PCDHGC3: variants seen among roughly 807,000 people sequenced by gnomAD.
PCDHGC3 encodes protocadherin gamma-C3.
A neutral mutation model predicts 59.2 loss-of-function variants in PCDHGC3; 26 were observed. That is an observed-to-expected ratio of 0.44 (90% CI 0.32 to 0.61). The LOEUF (loss-of-function observed/expected upper bound fraction) is 0.61. PCDHGC3 is among the 20% of genes least tolerant of loss of function. The probability of loss-of-function intolerance (pLI) is 0.05; values close to 1 mark genes in which losing one functional copy is unlikely to be tolerated. For synonymous variants in PCDHGC3, 487 were observed against 519.7 expected, an observed-to-expected ratio of 0.94 and a Z score of 0.86; for missense variants, 1,080 against 1,221.8, an observed-to-expected ratio of 0.88 and a Z score of 1.73.
intron 2 of PCDHGC3, among the ~76,000 whole-genome samples, chr5:141,501,324 CA>C (rs1311475307): frequency 7.2e-5 from 11 of 151,778 alleles, no homozygotes; most frequent in African/African-American, 1.9e-4. Flanking sequence ...CACACACACA[CA>C]CACACACACC....
chr5:141,486,474 C>G lies in PCDHGC3; in HGVS notation c.2430+7928C>G. ...ACTGCTTCTGATGCTGGGAACCCTC[C>G]TCTCAGTACCCACAGAACTATTTTC... On this transcript the variant is annotated intron_variant, in intron 1 of 3. Transcript: ENST00000308177. The surrounding 1 kb of genome is among the most constrained non-coding windows in gnomAD (Gnocchi z 5.0). The G allele has an allele frequency of 6.2e-7, 1 of 1,614,016 alleles. No individual in the cohort carries two copies. Among genetic ancestry groups the G allele is most frequent in the Non-Finnish European group, 8.5e-7 (1 of 1,179,822 alleles).
At chr5:141,492,487 C>G (rs1031047955) in intron 1 of PCDHGC3, among the ~76,000 whole-genome samples, 1 of 152,222 alleles carries the variant, frequency 6.6e-6, no homozygotes, top group Non-Finnish European at 1.5e-5. Flanking sequence ...CGCCCAGGAC[C>G]AGGCGAGGAC....
rs1445450316 is a variant in PCDHGC3, at chr5:141,491,210, C to T, written c.2431-3597C>T. On this transcript the variant is annotated intron_variant, in intron 1 of 3. Coordinates refer to ENST00000308177, the MANE Select transcript of PCDHGC3 (RefSeq NM_002588.4). The surrounding 1 kb of genome is among the most constrained non-coding windows in gnomAD (Gnocchi z 6.9). ...AGGGACAATGGTGACCCTTCACTCT[C>T]CTCCACAGCCACAGTGCTGCTGGTT... The T allele has an allele frequency of 3.7e-6, 6 of 1,614,228 alleles. No homozygotes were observed. Among genetic ancestry groups the T allele is most frequent in the Non-Finnish European group, 3.4e-6 (4 of 1,180,032 alleles).
intron 2 of PCDHGC3, among the ~76,000 whole-genome samples, chr5:141,500,877 A>AT (rs369345007): frequency 0.053 from 6,532 of 122,188 alleles, 326 homozygotes; most frequent in Admixed American, 0.19. Context: ...TTCATTTACA[A>AT]TTTTTTTTTT....
In PCDHGC3 at chr5:141,491,848, C is replaced by A; in HGVS notation, c.2431-2959C>A. 1 of 1,461,478 alleles carries A rather than the reference C, an allele frequency of 6.8e-7. No homozygotes were observed. Among genetic ancestry groups the A allele is most frequent in the Non-Finnish European group, 9.1e-7 (1 of 1,104,578 alleles). The allele number at this position is 1,461,478 out of a possible 1,614,324, so 90.5% of individuals were successfully genotyped here. A position where few individuals can be genotyped will look rare whatever the true frequency, so the allele number is the denominator to read the frequency against. On this transcript the variant is annotated intron_variant, in intron 1 of 3. Transcript: ENST00000308177. This position sits in a 1 kb window ranked among gnomAD's most constrained non-coding sequence, Gnocchi z 6.9. ...CACCCGATTCTCGGGATCATTGGAC[C>A]GTTTGCGCGAAACCAGAGTGGCCGA...
Position 141,487,631 on chromosome 5 carries a change from G to T in PCDHGC3, c.2431-7176G>T. Reference sequence around the variant, plus strand: ...TGGGCTAGAGGTGAGACCTTTGCAGGCTCAACAAATGCTTGAGGGTTATTC... The same window carrying T: ...TGGGCTAGAGGTGAGACCTTTGCAGTCTCAACAAATGCTTGAGGGTTATTC... On this transcript the variant is annotated intron_variant, in intron 1 of 3. Transcript: ENST00000308177. The surrounding 1 kb of genome is among the most constrained non-coding windows in gnomAD (Gnocchi z 5.0). The T allele has an allele frequency of 6.2e-7, 1 of 1,614,176 alleles. No individual in the cohort carries two copies. Among genetic ancestry groups the T allele is most frequent in the Non-Finnish European group, 8.5e-7 (1 of 1,180,032 alleles).
chr5:141,511,288 C>G lies in PCDHGC3; in HGVS notation c.*115C>G. ...CTAACCCCCAGAATACTGGTAGGGG[C>G]CAAGGCCATGCTCCCCTTGGGAAAC... On this transcript the variant is annotated 3_prime_UTR_variant, in exon 4 of 4. Transcript: ENST00000308177. 6.6e-7 allele frequency: 1 copy of G among 1,518,266 alleles called. No homozygotes were observed. The highest frequency in any genetic ancestry group is 8.9e-7 in the Non-Finnish European group (1 of 1,129,706). The allele number at this position is 1,518,266 out of a possible 1,614,324, so 94.0% of individuals were successfully genotyped here.
chr5:141,511,419 G>A lies in PCDHGC3; in HGVS notation c.*246G>A, dbSNP rs1437533706. On this transcript the variant is annotated 3_prime_UTR_variant, in exon 4 of 4. Coordinates refer to ENST00000308177, the MANE Select transcript of PCDHGC3 (RefSeq NM_002588.4). Reference sequence around the variant, plus strand: ...ATCCAATCAACTGCTGTACCCATGGGGGTAGTGGGGTTACTGTAGACACCA... The same window carrying A: ...ATCCAATCAACTGCTGTACCCATGGAGGTAGTGGGGTTACTGTAGACACCA... 1.2e-6 allele frequency: 1 copy of A among 830,454 alleles called. No individual in the cohort carries two copies. The highest frequency in any genetic ancestry group is 1.7e-5 in the African/African-American group (1 of 58,076). 51.4% of individuals were successfully genotyped at this position (830,454 alleles called of 1,614,324 possible).
At chr5:141,503,936 C>G (rs2099834285) in intron 2 of PCDHGC3, among the ~76,000 whole-genome samples, 1 of 152,186 alleles carries the variant, frequency 6.6e-6, no homozygotes, top group Non-Finnish European at 1.5e-5. Flanking sequence ...CATTTTCATG[C>G]CTTCAAGGCC....
Position 141,478,091 on chromosome 5 carries a change from A to G in PCDHGC3, c.1975A>G (p.Thr659Ala). Residue 659 changes from threonine (T) to alanine (A), a missense_variant, in exon 1 of 4, where the codon ACT becomes GCT. By Grantham distance (58) the Thr-to-Ala change is moderately conservative. Coordinates refer to ENST00000308177, the MANE Select transcript of PCDHGC3 (RefSeq NM_002588.4). ...CAATGGGGAGCCTTCGCTCTCCACC[A>G]CTGCTACCCTCACTGTGTCAGTAAC... ...KDNGEPSLST[T>A]ATLTVSVTED... 6.2e-7 allele frequency: 1 copy of G among 1,613,972 alleles called. No individual in the cohort carries two copies. Among genetic ancestry groups the G allele is most frequent in the African/African-American group, 1.3e-5 (1 of 75,008 alleles).
chr5:141,495,973 A>T, intron 2 of PCDHGC3, among the ~76,000 whole-genome samples: 1 of 146,986 alleles, frequency 6.8e-6, no homozygotes, highest in Admixed American at 6.8e-5. Flanking sequence ...TTTCTCTGTT[A>T]CTCTTTCTTT....
chr5:141,497,148 A>G (rs1436451953), intron 2 of PCDHGC3, among the ~76,000 whole-genome samples: 1 of 152,122 alleles, frequency 6.6e-6, no homozygotes, highest in Non-Finnish European at 1.5e-5. Context: ...ATCACGAAAA[A>G]AAAATAATCT....
At chr5:141,478,870 G>A (rs1463992722) in intron 1 of PCDHGC3, 6 of 1,273,242 alleles carry the variant, frequency 4.7e-6, no homozygotes, top group Non-Finnish European at 5.2e-6. Flanking sequence ...AGCGATCAGA[G>A]TTTAGCTTGG....
At chr5:141,495,236 A>G (rs2099759742) in intron 2 of PCDHGC3, among the ~76,000 whole-genome samples, 1 of 152,168 alleles carries the variant, frequency 6.6e-6, no homozygotes, top group South Asian at 2.1e-4. Flanking sequence ...GGGCTCCATT[A>G]TGACCTGGGG....
intron 2 of PCDHGC3, among the ~76,000 whole-genome samples, chr5:141,499,689 CTTTTTT>C (rs545067566): frequency 3.3e-5 from 4 of 119,854 alleles, no homozygotes; most frequent in Admixed American, 8.7e-5. Flanking sequence ...TAACAGATGA[CTTTTTT>C]TTTTTTTTTT....
At position 141,490,293 on chromosome 5, in the gene PCDHGC3, ATTG is replaced by A; in HGVS notation, c.2431-4513_2431-4511del. The A allele has an allele frequency of 1.9e-6, 3 of 1,614,190 alleles. No individual in the cohort carries two copies. Among genetic ancestry groups the A allele is most frequent in the Non-Finnish European group, 2.5e-6 (3 of 1,180,028 alleles). On this transcript the variant is annotated intron_variant, in intron 1 of 3. Coordinates refer to ENST00000308177, the MANE Select transcript of PCDHGC3 (RefSeq NM_002588.4). The surrounding 1 kb of genome is among the most constrained non-coding windows in gnomAD (Gnocchi z 5.4). ...TCAATGACAATGCCCCAGAGGTGCTATTGGCCTCTTTGGCCAACCCTGTCCTAG... is the reference window on the plus strand; with the variant it reads ...TCAATGACAATGCCCCAGAGGTGCTAGCCTCTTTGGCCAACCCTGTCCTAG...
At chr5:141,484,359 T>A (rs1218120598) in intron 1 of PCDHGC3, among the ~76,000 whole-genome samples, 1 of 152,222 alleles carries the variant, frequency 6.6e-6, no homozygotes, top group Non-Finnish European at 1.5e-5. Context: ...GTGTATCTAG[T>A]GTATCACTAG....
rs1281778338 is a variant in PCDHGC3, at chr5:141,512,281, G to A, written c.*1108G>A. ...TGGGTACTCCAGAGGTGCCACTGGTGGAAGGGTCAGCGGAGCCCCAGCAGG... is the reference window on the plus strand; with the variant it reads ...TGGGTACTCCAGAGGTGCCACTGGTAGAAGGGTCAGCGGAGCCCCAGCAGG... On this transcript the variant is annotated 3_prime_UTR_variant, in exon 4 of 4. Transcript: ENST00000308177. 6.5e-6 allele frequency: 1 copy of A among 152,810 alleles called. No homozygotes were observed. Among genetic ancestry groups the A allele is most frequent in the Non-Finnish European group, 1.5e-5 (1 of 68,178 alleles). The allele number at this position is 152,810 out of a possible 1,614,324, so 9.5% of individuals were successfully genotyped here.
Position 141,486,793 on chromosome 5 carries a change from G to C in PCDHGC3, c.2431-8014G>C. ...AGTTTGAGGTGCAGGCCCGGGATCG[G>C]GGCAACCCACCCCTTAGCAGCACTG... is the stretch of plus-strand genomic sequence containing the variant. On this transcript the variant is annotated intron_variant, in intron 1 of 3. Transcript: ENST00000308177. This position sits in a 1 kb window ranked among gnomAD's most constrained non-coding sequence, Gnocchi z 5.0. 6.2e-7 allele frequency: 1 copy of C among 1,614,244 alleles called. No homozygotes were observed. Among genetic ancestry groups the C allele is most frequent in the Non-Finnish European group, 8.5e-7 (1 of 1,180,050 alleles).
Sources: gnomAD v4.1 joint callset for allele counts (sites outside exome capture counted in the v4.1 genomes callset) on GRCh38, gnomAD v4.1.1 for gene constraint, Gnocchi (gnomAD v3.1) non-coding constraint, MANE v1.5 for transcripts, NCBI Gene and HGNC (gene_info 2026-07-23, HGNC 2026-07-21) for gene names.